Variants in RPL9 observed in about 807,000 individuals in gnomAD.
RPL9 encodes large ribosomal subunit protein uL6.
For missense variants in RPL9, 149 were observed against 236.7 expected (o/e 0.63, Z 2.43); for synonymous variants, 82 against 77.1 (o/e 1.06, Z -0.33).
intron 3 of RPL9, 92 bp from the exon 4 acceptor site, chr4:39,457,773 T>C: frequency 1.9e-6 from 2 of 1,080,258 alleles, no homozygotes; most frequent in Non-Finnish European, 1.4e-6. Flanking sequence ...ATTCTAGAAT[T>C]AACCCTTATC....
chr4:39,455,373 G>A (rs1240465555), intron 5 of RPL9: 1 of 156,644 alleles, frequency 6.4e-6, no homozygotes, highest in African/African-American at 2.4e-5. Context: ...TTGATACTAA[G>A]AATCTCCCTT....
chr4:39,457,353 T>TTA (rs71643296), intron 4 of RPL9: 15 of 302,170 alleles, frequency 5.0e-5, no homozygotes, highest in East Asian at 1.9e-4. Context: ...CAGCCTTGAT[T>TTA]AAAAAAAAAA....
In RPL9 at chr4:39,458,915, G is replaced by A. The variant is rs772165767; in HGVS notation, c.-26C>T. 5.6e-5 allele frequency: 40 copies of A among 712,472 alleles called. No homozygotes were observed. Among genetic ancestry groups the A allele is most frequent in the African/African-American group, 5.0e-4 (29 of 57,430 alleles). 44.1% of individuals were successfully genotyped at this position (712,472 alleles called of 1,614,324 possible). On this transcript the variant is annotated 5_prime_UTR_variant, in exon 1 of 8. Coordinates refer to ENST00000295955, the MANE Select transcript of RPL9 (RefSeq NM_000661.5). ...CCTCGCAGTAGACGCAGCAAAGAAA[G>A]AACGTCTGTCGTCATTACGTACTTG...
chr4:39,457,464 C>A (rs780229339), intron 4 of RPL9, 122 bp downstream of exon 4: 2 of 841,574 alleles, frequency 2.4e-6, no homozygotes, highest in Admixed American at 4.4e-5. Context: ...TTGCCAAGTT[C>A]TTGCGTATTA....
intron 5 of RPL9, 118 bp from the exon 6 acceptor site, chr4:39,455,062 T>G (rs888163981): frequency 9.3e-7 from 1 of 1,071,620 alleles, no homozygotes; most frequent in Non-Finnish European, 1.3e-6. Flanking sequence ...TTTCTTAAGA[T>G]TTTGAGGCCG....
chr4:39,454,975 C>A (rs772059094), intron 5 of RPL9, 31 bp from the exon 6 acceptor site: 1 of 1,572,690 alleles, frequency 6.4e-7, no homozygotes, highest in South Asian at 1.1e-5. Context: ...TGCACAGCAT[C>A]AAATCTGTGT....
chr4:39,457,780 T>C (rs930279753), intron 3 of RPL9, 99 bp from the exon 4 acceptor site: 18 of 1,011,864 alleles, frequency 1.8e-5, no homozygotes, highest in Admixed American at 1.4e-4. Flanking sequence ...AATTAACCCT[T>C]ATCAAAGCAC....
intron 4 of RPL9, chr4:39,457,124 A>G (rs1033837048): frequency 3.8e-5 from 6 of 159,136 alleles, no homozygotes; most frequent in Admixed American, 3.0e-4. Context: ...CTATCCCAAC[A>G]AGGGGTCCTG....
At chr4:39,454,985 T>TA (rs752187312) in intron 5 of RPL9, 41 bp from the exon 6 acceptor site, 1 of 1,549,808 alleles carries the variant, frequency 6.5e-7, no homozygotes, top group Non-Finnish European at 8.8e-7. Context: ...CAAATCTGTG[T>TA]AAAAAATATT....
chr4:39,458,815 G>A, intron 1 of RPL9, 76 bp downstream of exon 1: 1 of 688,666 alleles, frequency 1.5e-6, no homozygotes, highest in South Asian at 1.5e-5. Flanking sequence ...CCGAGAGTGG[G>A]AGCCGCGCCG....
At chr4:39,457,100 AACT>A (rs1446999821) in intron 4 of RPL9, 4 of 158,668 alleles carry the variant, frequency 2.5e-5, no homozygotes, top group African/African-American at 9.6e-5. Flanking sequence ...AAAACTCAGA[AACT>A]ACATCTTTTT....
rs767605728 is a variant in RPL9, at chr4:39,458,905, A to T, written c.-16T>A. ...AACATCCTTACCTCGCAGTAGACGC[A>T]GCAAAGAAAGAACGTCTGTCGTCAT... is the stretch of plus-strand genomic sequence containing the variant. On this transcript the variant is annotated 5_prime_UTR_variant, in exon 1 of 8. Transcript: ENST00000295955. The T allele has an allele frequency of 1.1e-5, 8 of 707,030 alleles. No individual in the cohort carries two copies. The highest frequency in any genetic ancestry group is 1.7e-5 in the African/African-American group (1 of 57,328). The allele number at this position is 707,030 out of a possible 1,614,324, so 43.8% of individuals were successfully genotyped here.
intron 4 of RPL9, chr4:39,456,754 C>A (rs1304070720): frequency 1.9e-6 from 1 of 534,190 alleles, no homozygotes; most frequent in Non-Finnish European, 3.4e-6. Context: ...AGCTCTTATG[C>A]CCTCAATGAA....
Position 39,454,319 on chromosome 4 carries a change from AACAT to A in RPL9, c.*11-98_*11-95del, listed in dbSNP as rs1744003303. 8 of 462,884 alleles carry A rather than the reference AACAT, an allele frequency of 1.7e-5. No individual in the cohort carries two copies. In the South Asian group the frequency reaches 2.6e-4, roughly 15 times the overall value. The allele number at this position is 462,884 out of a possible 1,614,324, so 28.7% of individuals were successfully genotyped here. The stretch of plus-strand genomic sequence containing the variant: ...TTCTGTACTATTCTAAATAATCTAA[AACAT>A]ACCTCAAGACTATGACTTACTGATT... On this transcript the variant is annotated intron_variant, in intron 7 of 7. Transcript: ENST00000295955.
In RPL9 at chr4:39,454,953, G is replaced by A. The variant is rs1436900205; in HGVS notation, c.392-9C>T. On this transcript the variant is annotated splice_polypyrimidine_tract_variant and intron_variant, in intron 5 of 7. Transcript: ENST00000295955. ...TACTGAACAAGCAACACCTAAAAGG[G>A]GAGAGGGCATTTGCACAGCATCAAA... 3 of 1,610,016 alleles carry A rather than the reference G, an allele frequency of 1.9e-6. No individual in the cohort carries two copies. The African/African-American group carries it at 4.0e-5, about 22-fold the overall frequency.
intron 1 of RPL9, chr4:39,458,680 G>C: frequency 1.6e-6 from 1 of 621,652 alleles, no homozygotes; most frequent in Non-Finnish European, 2.8e-6. Flanking sequence ...AGTCCTATGC[G>C]GGCGGTGCCA....
At position 39,454,205 on chromosome 4, in the gene RPL9, CTTCT is replaced by C. The variant is rs1469444434; in HGVS notation, c.*27_*30del. On this transcript the variant is annotated 3_prime_UTR_variant, in exon 8 of 8. Coordinates refer to ENST00000295955, the MANE Select transcript of RPL9 (RefSeq NM_000661.5). ...GTAGGTCTTAAGTGTCATCTGGCAT[CTTCT>C]TTCTGTAGCCAGGTAACTGTAAAAA... 5.6e-6 allele frequency: 1 copy of C among 179,728 alleles called. No homozygotes were observed. Among genetic ancestry groups the C allele is most frequent in the African/African-American group, 2.4e-5 (1 of 42,048 alleles). The allele number at this position is 179,728 out of a possible 1,614,324, so 11.1% of individuals were successfully genotyped here. A position where few individuals can be genotyped will look rare whatever the true frequency, so the allele number is the denominator to read the frequency against.
At chr4:39,457,378 G>GA (rs985340815) in intron 4 of RPL9, 3 of 399,392 alleles carry the variant, frequency 7.5e-6, no homozygotes, top group Non-Finnish European at 4.5e-6. Flanking sequence ...CCCAACAACA[G>GA]AAAAAAACAA....
At chr4:39,455,288 A>G (rs1381748559) in intron 5 of RPL9, 1 of 187,506 alleles carries the variant, frequency 5.3e-6, no homozygotes, top group East Asian at 1.5e-4. Context: ...GCAGGGGTTT[A>G]TTTTTAACAT....
Sources: allele counts gnomAD v4.1 joint callset, GRCh38; gene constraint gnomAD v4.1.1; transcripts MANE v1.5; gene names NCBI Gene and HGNC (gene_info 2026-07-23, HGNC 2026-07-21).